ANKRD36: variants seen among roughly 807,000 people sequenced by gnomAD.
ANKRD36 encodes ankyrin repeat domain-containing protein 36A.
ANKRD36 carries 179 observed loss-of-function variants against 278.1 expected under a neutral mutation model. The ratio of observed to expected loss-of-function variants is 0.64; its 90% CI spans 0.57 to 0.73. The LOEUF is 0.73. Among genes scored for constraint, ANKRD36 ranks in the 30% least tolerant of loss-of-function variants. The pLI, the probability that ANKRD36 is intolerant of heterozygous loss-of-function variation, is 0.00. For missense variants in ANKRD36, 1,159 were observed against 1,956.7 expected (o/e 0.59, Z 7.69); for synonymous variants, 320 against 641.1 (o/e 0.50, Z 7.57).
intron 4 of ANKRD36, among the ~76,000 whole-genome samples, chr2:97,123,893 T>A (rs189401897): frequency 0.012 from 1,818 of 146,404 alleles, 42 homozygotes; most frequent in African/African-American, 0.043. Context: ...TATACTAATT[T>A]TATATATATG....
chr2:97,222,900 C>T (rs2068161771), intron 66 of ANKRD36, among the ~76,000 whole-genome samples: 1 of 151,924 alleles, frequency 6.6e-6, no homozygotes, highest in African/African-American at 2.4e-5. Flanking sequence ...ATGAAAGTGC[C>T]TTAGAGATTA....
chr2:97,158,025 G>A, intron 15 of ANKRD36, 82 bp from the exon 16 acceptor site: 1 of 1,183,034 alleles, frequency 8.5e-7, no homozygotes, highest in Non-Finnish European at 1.2e-6. Flanking sequence ...CATCCTTTTT[G>A]TGTTAGATCA....
At chr2:97,220,749 A>ATTTTTTTTTTTTTT (rs1558889083) in intron 66 of ANKRD36, among the ~76,000 whole-genome samples, 3 of 86,900 alleles carry the variant, frequency 3.5e-5, no homozygotes, top group Admixed American at 2.3e-4. Flanking sequence ...TTTTTTTTTA[A>ATTTTTTTTTTTTTT]TTTTTAATTT....
chr2:97,158,550 A>G (rs991019943), intron 16 of ANKRD36, 38 bp from the exon 17 acceptor site: 5 of 1,527,780 alleles, frequency 3.3e-6, no homozygotes, highest in Admixed American at 2.0e-5. Flanking sequence ...TCTTAATTAC[A>G]TGCATTTCAT....
intron 6 of ANKRD36, among the ~76,000 whole-genome samples, chr2:97,140,402 A>G (rs2042594581): frequency 6.6e-6 from 1 of 152,040 alleles, no homozygotes; most frequent in South Asian, 2.1e-4. Flanking sequence ...AAATAGCTCC[A>G]CAAAGTCTTA....
At chr2:97,197,588 G>T (rs191179025) in intron 42 of ANKRD36, among the ~76,000 whole-genome samples, 2 of 151,854 alleles carry the variant, frequency 1.3e-5, no homozygotes, top group African/African-American at 4.8e-5. Flanking sequence ...CTTCTTTAGC[G>T]AATGACATGA....
chr2:97,220,775 A>ATTTTTTTTTTTTT (rs58512786), intron 66 of ANKRD36, among the ~76,000 whole-genome samples: 4 of 62,704 alleles, frequency 6.4e-5, no homozygotes, highest in Admixed American at 3.7e-4. Context: ...TTTTTTTTTA[A>ATTTTTTTTTTTTT]TTTTTTTTTT....
chr2:97,227,297 T>A (rs1375909504), intron 67 of ANKRD36, among the ~76,000 whole-genome samples: 2 of 152,138 alleles, frequency 1.3e-5, no homozygotes, highest in Non-Finnish European at 2.9e-5. Flanking sequence ...CCTCTTTTAT[T>A]TCCTTGAGCA....
chr2:97,216,897 C>A, intron 62 of ANKRD36: 1 of 741,612 alleles, frequency 1.3e-6, no homozygotes, highest in Non-Finnish European at 2.2e-6. Flanking sequence ...GTCCTCATCA[C>A]TCAGCATATC....
At chr2:97,124,890 A>G (rs1248146225) in intron 5 of ANKRD36, among the ~76,000 whole-genome samples, 5 of 151,918 alleles carry the variant, frequency 3.3e-5, no homozygotes, top group Non-Finnish European at 7.4e-5. Context: ...TATTTCTAGT[A>G]TAACCCCTAT....
At chr2:97,170,955 C>G (rs2052302957) in intron 22 of ANKRD36, among the ~76,000 whole-genome samples, 1 of 150,974 alleles carries the variant, frequency 6.6e-6, no homozygotes, top group Admixed American at 6.6e-5. Flanking sequence ...AAAAAATGCT[C>G]ATCATCACTG....
At chr2:97,224,640 C>T (rs1262474795) in intron 66 of ANKRD36, among the ~76,000 whole-genome samples, 166 bp from the exon 67 acceptor site, 1 of 151,952 alleles carries the variant, frequency 6.6e-6, no homozygotes, top group Non-Finnish European at 1.5e-5. Context: ...TTAGTAGAGA[C>T]GAGGTTTCAC....
chr2:97,207,729 G>A, intron 52 of ANKRD36, 82 bp from the exon 53 acceptor site: 1 of 1,536,036 alleles, frequency 6.5e-7, no homozygotes, highest in Non-Finnish European at 8.8e-7. Flanking sequence ...GAGGACAGAG[G>A]TTGATGCTAA....
At chr2:97,128,602 C>G (rs930480195) in intron 6 of ANKRD36, among the ~76,000 whole-genome samples, 3 of 151,946 alleles carry the variant, frequency 2.0e-5, no homozygotes, top group Admixed American at 1.3e-4. Flanking sequence ...TCCTGTGTAA[C>G]CCTTTTGTAA....
chr2:97,117,523 A>G (rs1373207631), intron 1 of ANKRD36, among the ~76,000 whole-genome samples: 2 of 152,096 alleles, frequency 1.3e-5, no homozygotes, highest in African/African-American at 2.4e-5. Context: ...ATGTTAATAT[A>G]TAAGAGAATA....
chr2:97,207,499 C>T lies in ANKRD36; in HGVS notation c.3164-312C>T, dbSNP rs544151778. 4.6e-5 allele frequency among the ~76,000 whole-genome samples: 7 copies of T among 151,578 alleles called. No homozygotes were observed. The South Asian group carries it at 1.5e-3, about 32-fold the overall frequency. On this transcript the variant is annotated intron_variant, in intron 52 of 75. Transcript: ENST00000420699. ...TTGATTCTCAGGTGTATGAGTTGCT[C>T]CTCTGATTTTAGATCACTTTGTCCT...
chr2:97,166,766 C>T (rs1306497867), intron 20 of ANKRD36, among the ~76,000 whole-genome samples: 1,044 of 125,032 alleles, frequency 8.3e-3, no homozygotes, highest in African/African-American at 0.015. Context: ...AGGGGTCACA[C>T]AGCAACAATA....
intron 6 of ANKRD36, among the ~76,000 whole-genome samples, chr2:97,137,808 G>T (rs1223879779): frequency 6.6e-6 from 1 of 152,006 alleles, no homozygotes; most frequent in South Asian, 2.1e-4. Flanking sequence ...TCTAAATGGC[G>T]CGAGATGGTA....
intron 60 of ANKRD36, among the ~76,000 whole-genome samples, chr2:97,214,105 G>T (rs1182029237): frequency 6.6e-6 from 1 of 150,552 alleles, no homozygotes; most frequent in East Asian, 2.0e-4. Flanking sequence ...GGGAAAAGAA[G>T]AAGTTATTTA....
Sources: allele counts gnomAD v4.1 joint callset (sites outside exome capture counted in the v4.1 genomes callset), GRCh38; gene constraint gnomAD v4.1.1; transcripts MANE v1.5; gene names NCBI Gene and HGNC (gene_info 2026-07-23, HGNC 2026-07-21).